KDM4B: variants seen among roughly 807,000 people sequenced by gnomAD.
KDM4B encodes the protein lysine demethylase 4B, also known as lysine-specific demethylase 4B.
KDM4B carries 32 observed loss-of-function variants against 125.2 expected under a neutral mutation model. That is an observed-to-expected ratio of 0.26 (90% CI 0.19 to 0.34). The LOEUF (loss-of-function observed/expected upper bound fraction) is 0.34. Ranked by LOEUF, KDM4B falls within the 10% of genes least tolerant of loss-of-function variation. KDM4B has a pLI of 1.00. For missense variants in KDM4B, 1,190 were observed against 1,577.7 expected, an observed-to-expected ratio of 0.75 and a Z score of 4.16; for synonymous variants, 721 against 677.9, an observed-to-expected ratio of 1.06 and a Z score of -0.99.
At chr19:5,061,276 C>T (rs2037588483) in intron 6 of KDM4B, among the ~76,000 whole-genome samples, 1 of 152,202 alleles carries the variant, frequency 6.6e-6, no homozygotes, top group Admixed American at 6.5e-5. Flanking sequence ...GCCGAGGCTC[C>T]CAGGACTCTG....
At chr19:5,012,802 C>T (rs571916919) in intron 1 of KDM4B, among the ~76,000 whole-genome samples, 24 of 152,322 alleles carry the variant, frequency 1.6e-4, no homozygotes, top group African/African-American at 4.1e-4. Flanking sequence ...GCCCTGACGG[C>T]GTAGCTGCAG....
At chr19:4,981,878 T>C (rs1485050770) in intron 1 of KDM4B, among the ~76,000 whole-genome samples, 10 of 152,260 alleles carry the variant, frequency 6.6e-5, no homozygotes, top group African/African-American at 1.9e-4. Context: ...CAGGGGGCGG[T>C]CACGTAACTA....
At chr19:5,136,537 G>A (rs2039651856) in intron 15 of KDM4B, among the ~76,000 whole-genome samples, 1 of 152,152 alleles carries the variant, frequency 6.6e-6, no homozygotes, top group Admixed American at 6.5e-5. Context: ...GGTTTGAGAT[G>A]TGCCCCCGGG....
intron 6 of KDM4B, among the ~76,000 whole-genome samples, chr19:5,052,295 T>A (rs1483980448): frequency 6.7e-6 from 1 of 148,670 alleles, no homozygotes; most frequent in Admixed American, 6.8e-5. Context: ...GAGGTGTGCG[T>A]GCATGTGTGT....
intron 6 of KDM4B, among the ~76,000 whole-genome samples, chr19:5,066,061 A>G (rs1680127776): frequency 6.6e-6 from 1 of 152,046 alleles, no homozygotes; most frequent in African/African-American, 2.4e-5. Context: ...CCGTGTGACC[A>G]GTGTCTCTGG....
At chr19:5,077,876 C>T (rs2038169291) in intron 8 of KDM4B, 1 of 202,178 alleles carries the variant, frequency 4.9e-6, no homozygotes, top group Non-Finnish European at 1.0e-5. Context: ...CCCCAGGCCA[C>T]ACCCTAAGTC....
intron 12 of KDM4B, 22 bp downstream of exon 12, chr19:5,131,567 A>G (rs1297517116): frequency 3.3e-6 from 1 of 304,070 alleles, no homozygotes; most frequent in Non-Finnish European, 6.3e-6. Flanking sequence ...CGGGGGAGGC[A>G]GGGAGGAGGG....
chr19:5,062,980 T>G (rs1355315188), intron 6 of KDM4B, among the ~76,000 whole-genome samples: 1 of 151,702 alleles, frequency 6.6e-6, no homozygotes, highest in African/African-American at 2.4e-5. Flanking sequence ...GAAGTTTGTC[T>G]TATCCCTTCT....
At chr19:5,006,551 TC>T (rs1352207640) in intron 1 of KDM4B, among the ~76,000 whole-genome samples, 1 of 152,088 alleles carries the variant, frequency 6.6e-6, no homozygotes, top group African/African-American at 2.4e-5. Flanking sequence ...GGCAGGTGGA[TC>T]CCCTGAGGTC....
In KDM4B at chr19:5,032,966, A is replaced by G; in HGVS notation, c.76A>G (p.Lys26Glu). 1 of 1,614,152 alleles carries G rather than the reference A, an allele frequency of 6.2e-7. No individual in the cohort carries two copies. Among genetic ancestry groups the G allele is most frequent in the Non-Finnish European group, 8.5e-7 (1 of 1,180,014 alleles). ...GTTTCGCCCAACCATGGAAGAATTT[A>G]AAGACTTCAACAAATACGTGGCCTA... ...MTFRPTMEEF[K>E]DFNKYVAYIE... Residue 26 changes from lysine (K) to glutamate (E), a missense_variant, in exon 3 of 23, where the codon AAA (lysine) becomes GAA (glutamate). Lys to Glu is a moderately conservative substitution (Grantham distance 56, BLOSUM62 1). Transcript: ENST00000159111.
At chr19:5,053,855 C>A (rs1191213225) in intron 6 of KDM4B, among the ~76,000 whole-genome samples, 3 of 152,260 alleles carry the variant, frequency 2.0e-5, no homozygotes, top group Non-Finnish European at 4.4e-5. Context: ...GCCCAGGGGC[C>A]CAGCGTCCCG....
chr19:5,050,372 G>T (rs1039243060), intron 6 of KDM4B, among the ~76,000 whole-genome samples: 1 of 152,258 alleles, frequency 6.6e-6, no homozygotes, highest in African/African-American at 2.4e-5. Flanking sequence ...CTTTGGCAAT[G>T]CGGATTGAAA....
rs1231247565 is a variant in KDM4B, at chr19:5,114,174, T to C, written c.1115+3356T>C. On this transcript the variant is annotated intron_variant, in intron 10 of 22. Transcript: ENST00000159111. The surrounding 1 kb of genome is among the most constrained non-coding windows in gnomAD (Gnocchi z 5.8). ...CTGGCACCCACGCGACGCTCCTCCA[T>C]GCAAACTCTTTCCACGCGAGAAGCG... 2 of 1,289,722 alleles carry C rather than the reference T, an allele frequency of 1.6e-6. No homozygotes were observed. The highest frequency in any genetic ancestry group is 2.3e-5 in the Admixed American group (1 of 43,570). The allele number at this position is 1,289,722 out of a possible 1,614,324, so 79.9% of individuals were successfully genotyped here.
chr19:5,032,195 C>T (rs541905000), intron 2 of KDM4B, among the ~76,000 whole-genome samples: 29 of 152,324 alleles, frequency 1.9e-4, no homozygotes, highest in African/African-American at 6.3e-4. Flanking sequence ...AGGCGGGTGC[C>T]GTCAGTGAAT....
chr19:5,085,715 T>C (rs1319451386), intron 9 of KDM4B, among the ~76,000 whole-genome samples: 1 of 152,170 alleles, frequency 6.6e-6, no homozygotes, highest in East Asian at 1.9e-4. Flanking sequence ...CCTGGTGTAG[T>C]CAGGCCTGGC....
intron 1 of KDM4B, among the ~76,000 whole-genome samples, chr19:4,969,587 G>A (rs1023432042): frequency 1.3e-5 from 2 of 151,722 alleles, no homozygotes; most frequent in Admixed American, 1.3e-4. Flanking sequence ...GGCCCCGGCC[G>A]GGCCCTTTTA....
At chr19:5,147,041 C>T (rs2039864383) in intron 21 of KDM4B, among the ~76,000 whole-genome samples, 3 of 151,480 alleles carry the variant, frequency 2.0e-5, no homozygotes, top group Admixed American at 6.6e-5. Context: ...GTGACAACAC[C>T]CTCCGCCTGC....
chr19:5,030,425 G>T (rs1411145811), intron 2 of KDM4B, among the ~76,000 whole-genome samples: 43 of 152,356 alleles, frequency 2.8e-4, no homozygotes, highest in Non-Finnish European at 7.3e-5. Context: ...GTCCTGTGGG[G>T]CAGGTGGGCT....
chr19:5,130,408 A>C (rs1436796980), intron 11 of KDM4B, among the ~76,000 whole-genome samples: 1 of 152,126 alleles, frequency 6.6e-6, no homozygotes, highest in Non-Finnish European at 1.5e-5. Context: ...ACATGAGTCA[A>C]CTGTCCCCTC....
Sources: allele counts gnomAD v4.1 joint callset (sites outside exome capture counted in the v4.1 genomes callset), GRCh38; gene constraint gnomAD v4.1.1; non-coding constraint Gnocchi (gnomAD v3.1); transcripts MANE v1.5; gene names NCBI Gene and HGNC (gene_info 2026-07-23, HGNC 2026-07-21).